Variants in SLC2A13 observed in about 807,000 individuals in gnomAD.
SLC2A13 encodes the protein solute carrier family 2 member 13, also known as proton myo-inositol cotransporter.
Under a neutral mutation model 64.4 loss-of-function variants are expected in SLC2A13, and 32 were observed. That is an observed-to-expected ratio of 0.50 (90% CI 0.37 to 0.67). The LOEUF (loss-of-function observed/expected upper bound fraction) is 0.67. Ranked by LOEUF, SLC2A13 falls within the 30% of genes least tolerant of loss-of-function variation. The probability of loss-of-function intolerance (pLI) is 0.00; values close to 1 mark genes in which losing one functional copy is unlikely to be tolerated. For synonymous variants in SLC2A13, 338 were observed against 327.1 expected (o/e 1.03, Z -0.36); for missense variants, 743 against 829.2 (o/e 0.90, Z 1.28).
At chr12:40,095,080 T>C (rs1055597574) in intron 1 of SLC2A13, among the ~76,000 whole-genome samples, 2 of 152,252 alleles carry the variant, frequency 1.3e-5, no homozygotes, top group Non-Finnish European at 2.9e-5. Flanking sequence ...CCCAGAAATG[T>C]ACTTCATGTA....
chr12:39,857,099 A>AT (rs1438358038), intron 6 of SLC2A13, among the ~76,000 whole-genome samples: 1 of 152,242 alleles, frequency 6.6e-6, no homozygotes, highest in Non-Finnish European at 1.5e-5. Context: ...GAATAAGAAT[A>AT]TAAGTCCCAT....
At chr12:39,837,324 T>C (rs1395813197) in intron 6 of SLC2A13, among the ~76,000 whole-genome samples, 32 of 145,374 alleles carry the variant, frequency 2.2e-4, no homozygotes, top group Non-Finnish European at 4.6e-4. Flanking sequence ...CCTTACACCT[T>C]ATACAAAAAT....
At chr12:40,039,915 A>G (rs759383243) in intron 2 of SLC2A13, among the ~76,000 whole-genome samples, 4 of 152,230 alleles carry the variant, frequency 2.6e-5, no homozygotes, top group Non-Finnish European at 5.9e-5. Flanking sequence ...CTGCCATTAA[A>G]GTATAATAAA....
chr12:39,871,937 C>A lies in SLC2A13; in HGVS notation c.1059G>T (p.Gln353His). The A allele has an allele frequency of 6.2e-7, 1 of 1,607,928 alleles. No homozygotes were observed. Among genetic ancestry groups the A allele is most frequent in the Non-Finnish European group, 8.5e-7 (1 of 1,177,398 alleles). ...TIMYYSATIL[Q>H]MSGVEDDRLA... ...GTCTATCATCTTCAACACCAGACAT[C>A]TGCAGAATGGTTGCACTGTAGTACC... The change falls in exon 5 of 10, where the codon CAG (glutamine) becomes CAT (histidine). Residue 353 changes from glutamine to histidine, a missense_variant. Physicochemically the swap from Gln to His is conservative, Grantham distance 24. This residue lies in a region of SLC2A13 where 295 missense variants were observed against 381.7 expected (regional missense o/e 0.77). Transcript: ENST00000280871.
chr12:39,822,674 A>C (rs368546366), intron 7 of SLC2A13, among the ~76,000 whole-genome samples: 1 of 152,206 alleles, frequency 6.6e-6, no homozygotes, highest in African/African-American at 2.4e-5. Flanking sequence ...TATAATAAAA[A>C]TCTTAGTCTT....
chr12:40,099,090 A>C (rs1939059883), intron 1 of SLC2A13, among the ~76,000 whole-genome samples: 1 of 152,248 alleles, frequency 6.6e-6, no homozygotes, highest in Non-Finnish European at 1.5e-5. Context: ...AGGCCTAACT[A>C]GAAAGCATGT....
chr12:39,876,455 G>C (rs1004603378), intron 4 of SLC2A13, among the ~76,000 whole-genome samples: 1 of 152,072 alleles, frequency 6.6e-6, no homozygotes, highest in Non-Finnish European at 1.5e-5. Flanking sequence ...TTGCATTATA[G>C]AATTAACAGT....
chr12:39,890,372 G>A (rs1346836406), intron 4 of SLC2A13, among the ~76,000 whole-genome samples: 1 of 152,112 alleles, frequency 6.6e-6, no homozygotes, highest in Admixed American at 6.5e-5. Flanking sequence ...AGCTATCGGT[G>A]TCCTACTTCC....
At chr12:40,042,984 A>G (rs1169389788) in intron 2 of SLC2A13, among the ~76,000 whole-genome samples, 1 of 151,612 alleles carries the variant, frequency 6.6e-6, no homozygotes, top group Non-Finnish European at 1.5e-5. Context: ...AAAACTAGAA[A>G]CATGACAAAG....
chr12:39,827,940 A>G (rs972063868), intron 7 of SLC2A13, among the ~76,000 whole-genome samples: 3 of 151,980 alleles, frequency 2.0e-5, no homozygotes, highest in African/African-American at 2.4e-5. Flanking sequence ...TTGCCTCAAC[A>G]CTCGACCTTG....
At chr12:39,964,088 A>C (rs550245408) in intron 3 of SLC2A13, among the ~76,000 whole-genome samples, 9 of 152,314 alleles carry the variant, frequency 5.9e-5, no homozygotes, top group African/African-American at 2.2e-4. Flanking sequence ...GTTTTCTGTC[A>C]GCATGATTCT....
rs915030161 is a variant in SLC2A13 at position 39,994,668 on chromosome 12, C to T, written c.925+33633G>A. ...TTCTTGGGCTTTTCATCTACCTGGG[C>T]GTAATAAACAGAAAAAGAGCTCTAG... On this transcript the variant is annotated intron_variant, in intron 3 of 9. Coordinates refer to ENST00000280871, the MANE Select transcript of SLC2A13 (RefSeq NM_052885.4). Among the ~76,000 whole-genome samples the T allele has an allele frequency of 3.9e-5, 6 of 151,954 alleles. 1 individual carries two copies. Among genetic ancestry groups the T allele is most frequent in the African/African-American group, 1.5e-4 (6 of 41,348 alleles).
chr12:39,766,015 T>C (rs1428030546), intron 7 of SLC2A13, among the ~76,000 whole-genome samples: 2 of 152,126 alleles, frequency 1.3e-5, no homozygotes, highest in East Asian at 3.9e-4. Context: ...ATTGGCCTCA[T>C]AGTTCCTTAT....
intron 3 of SLC2A13, among the ~76,000 whole-genome samples, chr12:39,966,754 G>C (rs1374896469): frequency 6.6e-6 from 1 of 152,042 alleles, no homozygotes. Flanking sequence ...ATAAGGACTG[G>C]GCAAGGAGAA....
intron 3 of SLC2A13, among the ~76,000 whole-genome samples, chr12:39,962,536 T>C (rs1946433132): frequency 6.6e-6 from 1 of 152,220 alleles, no homozygotes; most frequent in Non-Finnish European, 1.5e-5. Flanking sequence ...TCCTCATGGC[T>C]ACTTATTGTG....
At chr12:40,060,159 A>C (rs1948395932) in intron 1 of SLC2A13, among the ~76,000 whole-genome samples, 1 of 152,160 alleles carries the variant, frequency 6.6e-6, no homozygotes, top group South Asian at 2.1e-4. Flanking sequence ...TATCACAGAC[A>C]TATAGTAACA....
intron 3 of SLC2A13, among the ~76,000 whole-genome samples, chr12:39,986,315 C>A (rs1253249055): frequency 6.6e-6 from 1 of 152,002 alleles, no homozygotes; most frequent in Non-Finnish European, 1.5e-5. Flanking sequence ...TCAAAGCATA[C>A]ACATATTCTG....
chr12:39,979,230 G>C (rs1342149339), intron 3 of SLC2A13, among the ~76,000 whole-genome samples: 1 of 120,726 alleles, frequency 8.3e-6, no homozygotes, highest in Non-Finnish European at 1.8e-5. Flanking sequence ...GGAAAAAACA[G>C]AACAGAAAAA....
intron 4 of SLC2A13, among the ~76,000 whole-genome samples, chr12:39,900,273 A>C (rs556789643): frequency 1.3e-5 from 2 of 152,256 alleles, no homozygotes; most frequent in Admixed American, 6.5e-5. Flanking sequence ...CCCTTTGAAA[A>C]CTGGCACAAG....
Sources: allele counts gnomAD v4.1 joint callset (sites outside exome capture counted in the v4.1 genomes callset), GRCh38; gene constraint gnomAD v4.1.1; regional missense constraint gnomAD v4.1.1; transcripts MANE v1.5; gene names NCBI Gene and HGNC (gene_info 2026-07-23, HGNC 2026-07-21).